VGLL1: variants seen among roughly 807,000 people sequenced by gnomAD.
VGLL1 encodes the protein vestigial like family member 1.
VGLL1 carries 4 observed loss-of-function variants against 12.0 expected under a neutral mutation model. The observed-to-expected ratio is 0.33, with a 90% CI of 0.16 to 0.76. VGLL1 has a LOEUF of 0.76. Ranked by LOEUF, VGLL1 falls within the 30% of genes least tolerant of loss-of-function variation. The pLI, the probability that VGLL1 is intolerant of heterozygous loss-of-function variation, is 0.60. For synonymous variants in VGLL1, 87 were observed against 81.2 expected (o/e 1.07, Z -0.39); for missense variants, 204 against 208.7 (o/e 0.98, Z 0.14).
At chrX:136,539,872 G>A (rs772863314) in intron 2 of VGLL1, among the ~76,000 whole-genome samples, 93 of 111,619 alleles carry the variant, frequency 8.3e-4, no homozygotes, top group South Asian at 3.0e-3. Flanking sequence ...CCCTCAACCT[G>A]CTCTGCCCAC....
At position 136,553,306 on chromosome X, in the gene VGLL1, C is replaced by CTTT. The variant is rs1226003954; in HGVS notation, c.688+2504_688+2506dup. On this transcript the variant is annotated intron_variant, in intron 4 of 4. Coordinates refer to ENST00000370634, the MANE Select transcript of VGLL1 (RefSeq NM_016267.4). The stretch of plus-strand genomic sequence containing the variant: ...CTCAGTTGCCTCTTCATGTTTTATT[C>CTTT]TTTTTTTTTTTTTTTTTTTTTGAGA... 3.7e-3 allele frequency among the ~76,000 whole-genome samples: 266 copies of CTTT among 72,384 alleles called. 2 individuals are homozygous for CTTT. The highest frequency in any genetic ancestry group is 5.9e-3 in the Non-Finnish European group (232 of 39,495). 62.9% of individuals were successfully genotyped at this position (72,384 alleles called of 115,157 possible).
intron 4 of VGLL1, among the ~76,000 whole-genome samples, chrX:136,551,412 G>C (rs2075885886): frequency 9.0e-6 from 1 of 111,551 alleles, no homozygotes. Flanking sequence ...ATGAGGCCAG[G>C]ACTCTGAGCT....
chrX:136,532,399 G>A, intron 1 of VGLL1, 103 bp downstream of exon 1: 1 of 111,516 alleles, frequency 9.0e-6, no homozygotes, highest in African/African-American at 3.3e-5. Flanking sequence ...ATACAATCTG[G>A]TCCCCTTGGG....
rs780483155 is a variant in VGLL1 at position 136,536,676 on chromosome X, T to A, written c.214+442T>A. Reference sequence around the variant, plus strand: ...CTTTAACTCTCCTTCACAGCCCTTGTCACAGTTGCAGTTTTTACACTTGTA... The same window carrying A: ...CTTTAACTCTCCTTCACAGCCCTTGACACAGTTGCAGTTTTTACACTTGTA... On this transcript the variant is annotated intron_variant, in intron 2 of 4. Coordinates refer to ENST00000370634, the MANE Select transcript of VGLL1 (RefSeq NM_016267.4). Among the ~76,000 whole-genome samples the A allele has an allele frequency of 2.7e-5, 3 of 112,321 alleles. No homozygotes were observed. In the East Asian group the frequency reaches 8.4e-4, roughly 31 times the overall value.
chrX:136,555,833 G>T (rs944368964), intron 4 of VGLL1, among the ~76,000 whole-genome samples: 12 of 111,792 alleles, frequency 1.1e-4, no homozygotes, highest in Non-Finnish European at 1.1e-4. Flanking sequence ...ACATAAGTAG[G>T]ATTTCTGGGT....
chrX:136,550,871 G>A (rs758120673), intron 4 of VGLL1, 50 bp downstream of exon 4: 30 of 1,099,744 alleles, frequency 2.7e-5, no homozygotes, highest in African/African-American at 7.3e-5. Context: ...TCCTGAGAAC[G>A]AACTTGAGAA....
At chrX:136,543,722 G>C (rs1366268410) in intron 2 of VGLL1, among the ~76,000 whole-genome samples, 1 of 105,530 alleles carries the variant, frequency 9.5e-6, no homozygotes, top group Non-Finnish European at 1.9e-5. Flanking sequence ...CTATGATCTT[G>C]TCAGTACACT....
At chrX:136,545,308 G>A (rs2075866790) in intron 2 of VGLL1, among the ~76,000 whole-genome samples, 1 of 111,883 alleles carries the variant, frequency 8.9e-6, no homozygotes, top group African/African-American at 3.3e-5. Flanking sequence ...GCATGTTTGT[G>A]TTAGTGAGTG....
chrX:136,543,416 C>T (rs771011143), intron 2 of VGLL1, among the ~76,000 whole-genome samples: 151 of 111,613 alleles, frequency 1.4e-3, no homozygotes, highest in Middle Eastern at 4.6e-3. Context: ...TCATGCAGGC[C>T]AAGGTTGGAC....
chrX:136,538,828 G>A (rs3027863), intron 2 of VGLL1, among the ~76,000 whole-genome samples: 1,075 of 100,771 alleles, frequency 0.011, 12 homozygotes, highest in African/African-American at 0.037. Context: ...AATCTTGTGG[G>A]TTAAATAAAT....
At chrX:136,550,389 C>T (rs1261453229) in intron 3 of VGLL1, 2 of 143,551 alleles carry the variant, frequency 1.4e-5, no homozygotes, top group African/African-American at 6.3e-5. Flanking sequence ...TGAGCATCTA[C>T]TGTAAGCAAG....
At chrX:136,550,888 C>A in intron 4 of VGLL1, 67 bp downstream of exon 4, 1 of 988,499 alleles carries the variant, frequency 1.0e-6, no homozygotes, top group Non-Finnish European at 1.4e-6. Flanking sequence ...AGAAATAAGG[C>A]TTCTGTCTAC....
intron 2 of VGLL1, among the ~76,000 whole-genome samples, chrX:136,546,323 G>A (rs1428736542): frequency 9.0e-6 from 1 of 111,639 alleles, no homozygotes; most frequent in Non-Finnish European, 1.9e-5. Flanking sequence ...GGCCCAAGAG[G>A]CCTGAAAAAG....
intron 2 of VGLL1, among the ~76,000 whole-genome samples, chrX:136,542,329 A>G (rs1381030517): frequency 8.9e-6 from 1 of 112,103 alleles, no homozygotes; most frequent in East Asian, 2.8e-4. Flanking sequence ...ATCTATCTGC[A>G]CAAACATATA....
Position 136,556,790 on chromosome X carries a change from C to T in VGLL1, c.*251C>T, listed in dbSNP as rs1603310618. ...GATGATGAATAATAATAAAACTGTA[C>T]TTTTTTGGATGGTGCTATGCCGGGT... is the stretch of plus-strand genomic sequence containing the variant. On this transcript the variant is annotated 3_prime_UTR_variant, in exon 5 of 5. Transcript: ENST00000370634. 5.4e-5 allele frequency: 17 copies of T among 313,717 alleles called. No homozygotes were observed. In the East Asian group the frequency reaches 8.7e-4, roughly 16 times the overall value. The allele number at this position is 313,717 out of a possible 1,213,427, so 25.9% of individuals were successfully genotyped here.
At chrX:136,535,060 T>G (rs2075835677) in intron 1 of VGLL1, among the ~76,000 whole-genome samples, 1 of 111,804 alleles carries the variant, frequency 8.9e-6, no homozygotes, top group Non-Finnish European at 1.9e-5. Flanking sequence ...ACAGGCTACT[T>G]CCCTAGTAAA....
chrX:136,541,513 G>A (rs1216406012), intron 2 of VGLL1, among the ~76,000 whole-genome samples: 1 of 112,609 alleles, frequency 8.9e-6, no homozygotes, highest in East Asian at 2.8e-4. Flanking sequence ...AGGGCCCCAT[G>A]AAAGGCTTCC....
rs1019300480 is a variant in VGLL1 at position 136,540,795 on chromosome X, T to TG, written c.214+4566dup. Among the ~76,000 whole-genome samples, 9 of 111,069 alleles carry TG rather than the reference T, an allele frequency of 8.1e-5. No individual in the cohort carries two copies. The Admixed American group carries it at 8.6e-4, about 11-fold the overall frequency. On this transcript the variant is annotated intron_variant, in intron 2 of 4. Coordinates refer to ENST00000370634, the MANE Select transcript of VGLL1 (RefSeq NM_016267.4). Reference sequence around the variant, plus strand: ...GATCACAAGGTGTTGACCCTACAGATGGGGGTCACCGTAGAGAGGGAGTAC... The same window carrying TG: ...GATCACAAGGTGTTGACCCTACAGATGGGGGGTCACCGTAGAGAGGGAGTAC...
At chrX:136,542,002 T>G (rs934687382) in intron 2 of VGLL1, among the ~76,000 whole-genome samples, 1 of 111,002 alleles carries the variant, frequency 9.0e-6, no homozygotes, top group Admixed American at 9.5e-5. Context: ...ATGGTCCTGG[T>G]ACGTATGCCA....
Sources: allele counts gnomAD v4.1 joint callset (sites outside exome capture counted in the v4.1 genomes callset), GRCh38; gene constraint gnomAD v4.1.1; transcripts MANE v1.5; gene names NCBI Gene and HGNC (gene_info 2026-07-23, HGNC 2026-07-21).